RNF213: variants seen among roughly 807,000 people sequenced by gnomAD.
The protein encoded by RNF213 is ring finger protein 213, also known as E3 ubiquitin-protein ligase RNF213.
A neutral mutation model predicts 514.4 loss-of-function variants in RNF213; 341 were observed. That is an observed-to-expected ratio of 0.66 (90% CI 0.61 to 0.73). RNF213 has a LOEUF of 0.73. Ranked by LOEUF, RNF213 falls within the 30% of genes least tolerant of loss-of-function variation. The probability of loss-of-function intolerance (pLI) is 0.00; values close to 1 mark genes in which losing one functional copy is unlikely to be tolerated. For synonymous variants in RNF213, 2,655 were observed against 2,658.2 expected, an observed-to-expected ratio of 1.00 and a Z score of 0.04; for missense variants, 5,767 against 6,615.6, an observed-to-expected ratio of 0.87 and a Z score of 4.45.
At position 80,349,922 on chromosome 17, in the gene RNF213, T is replaced by A. The variant is rs746010665; in HGVS notation, c.10088+16T>A. 1.9e-6 allele frequency: 3 copies of A among 1,612,694 alleles called. No homozygotes were observed. Among genetic ancestry groups the A allele is most frequent in the Admixed American group, 1.7e-5 (1 of 60,022 alleles). ...AAGAAGTCCGGTGAGGTTCCCTGCC[T>A]TCCCTGCTGCCCTCTCCCTCCCCAG... On this transcript the variant is annotated intron_variant, in intron 30 of 67. Coordinates refer to ENST00000582970, the MANE Select transcript of RNF213 (RefSeq NM_001256071.3).
rs576094279 is a variant in RNF213, at chr17:80,291,551, C to T, written c.1272-77C>T. On this transcript the variant is annotated intron_variant, in intron 7 of 67. Transcript: ENST00000582970. ...CCACATCAACTTATAGCTTTGCACTCCATGCTACGTTTGAGAATAACTAAA... is the reference window on the plus strand; with the variant it reads ...CCACATCAACTTATAGCTTTGCACTTCATGCTACGTTTGAGAATAACTAAA... The T allele has an allele frequency of 4.7e-5, 66 of 1,418,038 alleles. 1 individual carries two copies. In the African/African-American group the frequency reaches 8.4e-4, roughly 18 times the overall value. The allele number at this position is 1,418,038 out of a possible 1,614,324, so 87.8% of individuals were successfully genotyped here. A position where few individuals can be genotyped will look rare whatever the true frequency, so the allele number is the denominator to read the frequency against.
rs2078213207 is a variant in RNF213 at position 80,343,263 on chromosome 17, C to G, written c.6121C>G (p.Pro2041Ala). 1.2e-6 allele frequency: 2 copies of G among 1,613,854 alleles called. No homozygotes were observed. The highest frequency in any genetic ancestry group is 2.7e-5 in the African/African-American group (2 of 75,028). Residue 2041 changes from proline to alanine, a missense_variant, in exon 27 of 68, where the codon CCC becomes GCC. Physicochemically the swap from Pro to Ala is conservative, Grantham distance 27. This residue lies in a region of RNF213 where 1,377 missense variants were observed against 1,635.2 expected (regional missense o/e 0.84). Coordinates refer to ENST00000582970, the MANE Select transcript of RNF213 (RefSeq NM_001256071.3). The surrounding 1 kb of genome is among the most constrained non-coding windows in gnomAD (Gnocchi z 4.3). ...GAGCCGAGTCCTGGGCGCCCTGCTG[C>G]CCTTCCTGGATGCGCAGTATCAGAA... The part of the protein sequence containing the change: ...DESRVLGALL[P>A]FLDAQYQKVP...
rs373631128 is a variant in RNF213, at chr17:80,364,536, G to A, written c.11854G>A (p.Val3952Ile). 1.4e-5 allele frequency: 23 copies of A among 1,614,048 alleles called. No individual in the cohort carries two copies. The highest frequency in any genetic ancestry group is 5.0e-5 in the Admixed American group (3 of 60,012). Residue 3952 changes from valine to isoleucine, a missense_variant, in exon 42 of 68, where the codon GTC becomes ATC. This residue lies in a region of RNF213 where 355 missense variants were observed against 358.0 expected (regional missense o/e 0.99). Transcript: ENST00000582970. Reference protein sequence around the residue: ...PELQGLVTEHVFLLDKCLREN... With the variant: ...PELQGLVTEHIFLLDKCLREN... ...GTTACAGGGGCTGGTGACCGAGCAC[G>A]TCTTCTTACTAGACAAGGTGAGTAC... is the stretch of plus-strand genomic sequence containing the variant.
At chr17:80,334,649 CAG>C (rs2077933238) in intron 22 of RNF213, among the ~76,000 whole-genome samples, 1 of 150,960 alleles carries the variant, frequency 6.6e-6, no homozygotes, top group African/African-American at 2.4e-5. Flanking sequence ...TTTTTTGAGA[CAG>C]AGTCTCGCTC....
At chr17:80,312,385 G>A (rs983835519) in intron 14 of RNF213, among the ~76,000 whole-genome samples, 5 of 152,222 alleles carry the variant, frequency 3.3e-5, no homozygotes, top group Non-Finnish European at 7.4e-5. Flanking sequence ...CACGGAGGCG[G>A]GGGGAGAGCA....
In RNF213 at chr17:80,363,213, A is replaced by G; in HGVS notation, c.11467A>G (p.Ser3823Gly). The change falls in exon 40 of 68, where the codon AGC becomes GGC. Residue 3823 changes from serine (S) to glycine (G), a missense_variant. By Grantham distance (56) the Ser-to-Gly change is moderately conservative (BLOSUM62 0). Around this residue, in one of 13 missense-constraint regions of RNF213, gnomAD observed 355 missense variants for 358.0 expected, o/e 0.99. Transcript: ENST00000582970. ...WVHLAYQRFRSRLQNFSRILT... is the reference protein window; with the variant it reads ...WVHLAYQRFRGRLQNFSRILT... ...GCACCTTGCCTACCAGCGTTTCAGA[A>G]GCCGTCTGCAGAACTTTTCCAGAAT... 1.2e-6 allele frequency: 2 copies of G among 1,614,202 alleles called. No homozygotes were observed. The highest frequency in any genetic ancestry group is 8.5e-7 in the Non-Finnish European group (1 of 1,180,028).
intron 8 of RNF213, among the ~76,000 whole-genome samples, chr17:80,293,399 A>G (rs2044811074): frequency 6.6e-6 from 1 of 152,188 alleles, no homozygotes; most frequent in Non-Finnish European, 1.5e-5. Flanking sequence ...TACTCTGAGA[A>G]CATAAGCTTT....
At chr17:80,334,328 T>C (rs999991976) in intron 22 of RNF213, 58 bp downstream of exon 22, 3 of 1,484,142 alleles carry the variant, frequency 2.0e-6, no homozygotes, top group South Asian at 1.3e-5. Flanking sequence ...GATGGCGCAC[T>C]GTGTGGCGTT....
intron 20 of RNF213, among the ~76,000 whole-genome samples, chr17:80,330,293 TTCC>T (rs1269118113): frequency 1.3e-5 from 2 of 152,256 alleles, no homozygotes; most frequent in African/African-American, 4.8e-5. Flanking sequence ...TGTTTTGATT[TTCC>T]TCCTATGTCT....
At chr17:80,290,056 C>T (rs954691988) in intron 6 of RNF213, among the ~76,000 whole-genome samples, 33 of 152,342 alleles carry the variant, frequency 2.2e-4, no homozygotes, top group African/African-American at 7.9e-4. Context: ...CTGGAGCCAG[C>T]GTGGGCCTTT....
intron 16 of RNF213, among the ~76,000 whole-genome samples, chr17:80,318,620 C>T (rs1463091992): frequency 1.3e-5 from 2 of 152,088 alleles, no homozygotes; most frequent in Non-Finnish European, 2.9e-5. Flanking sequence ...ATCGCCCAGG[C>T]TGGAGTGCAG....
At chr17:80,391,939 T>C (rs533825368) in intron 67 of RNF213, among the ~76,000 whole-genome samples, 1 of 152,020 alleles carries the variant, frequency 6.6e-6, no homozygotes, top group South Asian at 2.1e-4. Context: ...GCTAATTTTT[T>C]TGTACTTTTA....
chr17:80,275,876 A>T (rs1414698562), intron 3 of RNF213, among the ~76,000 whole-genome samples: 8 of 150,488 alleles, frequency 5.3e-5, no homozygotes, highest in Non-Finnish European at 1.2e-4. Flanking sequence ...GTTGGCCAGG[A>T]TGGTCTCGAT....
chr17:80,350,029 C>G (rs1176627556), intron 30 of RNF213, 123 bp downstream of exon 30: 4 of 1,082,762 alleles, frequency 3.7e-6, no homozygotes, highest in Non-Finnish European at 5.5e-6. Flanking sequence ...GAAATAGATC[C>G]TTGTTAAATC....
chr17:80,266,043 T>G (rs971858642), intron 2 of RNF213, among the ~76,000 whole-genome samples: 3 of 152,140 alleles, frequency 2.0e-5, no homozygotes, highest in Non-Finnish European at 4.4e-5. Flanking sequence ...AGGTTGAGTT[T>G]AGTAGTGTGG....
chr17:80,398,535 C>T lies in RNF213; in HGVS notation c.*5037C>T, dbSNP rs1162331099. On this transcript the variant is annotated 3_prime_UTR_variant, in exon 68 of 68. Coordinates refer to ENST00000582970, the MANE Select transcript of RNF213 (RefSeq NM_001256071.3). ...TTTCAAAGGTATGGCACAAGGTAACCTGTAAGCCAGGGTACCCACACCAGT... is the reference window on the plus strand; with the variant it reads ...TTTCAAAGGTATGGCACAAGGTAACTTGTAAGCCAGGGTACCCACACCAGT... The T allele has an allele frequency of 6.6e-6, 1 of 152,150 alleles. No individual in the cohort carries two copies. Among genetic ancestry groups the T allele is most frequent in the Non-Finnish European group, 1.5e-5 (1 of 68,072 alleles). 9.4% of individuals were successfully genotyped at this position (152,150 alleles called of 1,614,324 possible).
intron 8 of RNF213, among the ~76,000 whole-genome samples, chr17:80,292,276 GT>G (rs2044759680): frequency 6.6e-6 from 1 of 152,112 alleles, no homozygotes; most frequent in Admixed American, 6.6e-5. Context: ...GAGAGACAGG[GT>G]TTCACCATGT....
chr17:80,352,896 G>A (rs372805247), intron 32 of RNF213, 44 bp from the exon 33 acceptor site: 8 of 1,613,334 alleles, frequency 5.0e-6, no homozygotes, highest in South Asian at 3.3e-5. Context: ...AGCAGCAGCC[G>A]GGAAAGACAC....
chr17:80,364,718 ATGTTTAAT>A (rs1177323278), intron 42 of RNF213, 165 bp downstream of exon 42: 2 of 770,592 alleles, frequency 2.6e-6, no homozygotes, highest in Admixed American at 2.3e-5. Context: ...TACATTTTCC[ATGTTTAAT>A]TGTTTAATTA....
Sources: gnomAD v4.1 joint callset for allele counts (sites outside exome capture counted in the v4.1 genomes callset) on GRCh38, gnomAD v4.1.1 for gene constraint, gnomAD v4.1.1 regional missense constraint, Gnocchi (gnomAD v3.1) non-coding constraint, MANE v1.5 for transcripts, NCBI Gene and HGNC (gene_info 2026-07-23, HGNC 2026-07-21) for gene names.